Variants in CDH12 observed in about 807,000 individuals in gnomAD.
CDH12 encodes cadherin-12.
In CDH12, 41 loss-of-function variants were observed where a neutral mutation model predicts 74.1. The ratio of observed to expected loss-of-function variants is 0.55; its 90% CI spans 0.43 to 0.72. CDH12 has a LOEUF of 0.72. Among genes scored for constraint, CDH12 ranks in the 30% least tolerant of loss-of-function variants. The pLI is 0.00. For missense variants in CDH12, 945 were observed against 977.2 expected, an observed-to-expected ratio of 0.97 and a Z score of 0.44; for synonymous variants, 399 against 355.0, an observed-to-expected ratio of 1.12 and a Z score of -1.39.
At chr5:21,977,476 G>T (rs1247717249) in intron 5 of CDH12, among the ~76,000 whole-genome samples, 2 of 152,056 alleles carry the variant, frequency 1.3e-5, no homozygotes, top group African/African-American at 4.8e-5. Context: ...TTTATAAAAT[G>T]GATCCATTTT....
chr5:22,645,727 T>C (rs1178928264), intron 1 of CDH12, among the ~76,000 whole-genome samples: 1 of 152,016 alleles, frequency 6.6e-6, no homozygotes, highest in African/African-American at 2.4e-5. Context: ...TGTTTTCTTA[T>C]TTTAACAAAT....
intron 1 of CDH12, among the ~76,000 whole-genome samples, chr5:22,672,964 C>T (rs1055762523): frequency 6.6e-6 from 1 of 152,088 alleles, no homozygotes; most frequent in Non-Finnish European, 1.5e-5. Flanking sequence ...AAACTCCTTA[C>T]CTTTAATTTC....
chr5:22,299,916 T>A (rs1737795800), intron 3 of CDH12, among the ~76,000 whole-genome samples: 1 of 152,148 alleles, frequency 6.6e-6, no homozygotes, highest in Non-Finnish European at 1.5e-5. Context: ...AGTCAAACAC[T>A]TTTACCGAAA....
At chr5:22,213,537 G>GCT (rs1454595390) in intron 3 of CDH12, 1 of 152,114 alleles carries the variant, frequency 6.6e-6, no homozygotes. Flanking sequence ...TTTAAACGTA[G>GCT]CTATGTGCCG....
chr5:22,557,700 A>T (rs1159394713), intron 1 of CDH12, among the ~76,000 whole-genome samples: 1 of 152,100 alleles, frequency 6.6e-6, no homozygotes, highest in Non-Finnish European at 1.5e-5. Context: ...ATTACCTACA[A>T]TGATAAACTT....
rs138229594 is a variant in CDH12 at position 22,140,300 on chromosome 5, G to C, written c.-186-61438C>G. Among the ~76,000 whole-genome samples the C allele has an allele frequency of 3.3e-3, 499 of 151,946 alleles. 2 individuals are homozygous for C. The highest frequency in any genetic ancestry group is 0.012 in the African/African-American group (480 of 41,392). Reference sequence around the variant, plus strand: ...AAGTCAAGTCAGACATACTAGACAAGCTATTGGCTAAATTTGAAATGTATT... The same window carrying C: ...AAGTCAAGTCAGACATACTAGACAACCTATTGGCTAAATTTGAAATGTATT... On this transcript the variant is annotated intron_variant, in intron 4 of 14. Transcript: ENST00000382254.
chr5:22,698,739 T>TATA (rs1561586186), intron 1 of CDH12, among the ~76,000 whole-genome samples: 2 of 27,708 alleles, frequency 7.2e-5, no homozygotes, highest in African/African-American at 1.2e-4. Flanking sequence ...ATATATAGTG[T>TATA]GTGTGTGTGT....
At chr5:22,794,144 A>T (rs576131606) in intron 1 of CDH12, among the ~76,000 whole-genome samples, 25 of 152,276 alleles carry the variant, frequency 1.6e-4, no homozygotes, top group African/African-American at 4.6e-4. Context: ...AAAAGCTCAT[A>T]TGTCCCAGAA....
chr5:21,821,530 C>T (rs1483363085), intron 8 of CDH12, among the ~76,000 whole-genome samples: 2 of 151,332 alleles, frequency 1.3e-5, no homozygotes, highest in Admixed American at 6.6e-5. Flanking sequence ...TCTAAAGTTA[C>T]TTAAAAAAAA....
chr5:21,900,286 A>G (rs1195094164), intron 6 of CDH12, among the ~76,000 whole-genome samples: 2 of 152,196 alleles, frequency 1.3e-5, no homozygotes, highest in African/African-American at 4.8e-5. Flanking sequence ...AAAGGAAGGA[A>G]GAAATGAAGT....
At chr5:22,453,045 C>G (rs1745117518) in intron 2 of CDH12, among the ~76,000 whole-genome samples, 1 of 151,826 alleles carries the variant, frequency 6.6e-6, no homozygotes, top group Non-Finnish European at 1.5e-5. Context: ...TATCACCTCA[C>G]TGCAGTTAAA....
At chr5:22,094,118 A>G (rs1743601100) in intron 4 of CDH12, among the ~76,000 whole-genome samples, 1 of 152,206 alleles carries the variant, frequency 6.6e-6, no homozygotes, top group African/African-American at 2.4e-5. Flanking sequence ...CTGCAGAGGG[A>G]AATCAAGAGG....
At chr5:22,428,221 ACACACACAC>A (rs1346647459) in intron 2 of CDH12, among the ~76,000 whole-genome samples, 1 of 150,716 alleles carries the variant, frequency 6.6e-6, no homozygotes, top group Non-Finnish European at 1.5e-5. Context: ...ACACACACAC[ACACACACAC>A]AATCTATGTG....
intron 1 of CDH12, among the ~76,000 whole-genome samples, chr5:22,571,192 T>A (rs2126765959): frequency 6.6e-6 from 1 of 152,354 alleles, no homozygotes; most frequent in Non-Finnish European, 1.5e-5. Flanking sequence ...GTGTGTTCAC[T>A]GCAGTAGTAC....
chr5:22,300,358 T>C (rs543591158), intron 3 of CDH12, among the ~76,000 whole-genome samples: 2 of 152,294 alleles, frequency 1.3e-5, no homozygotes, highest in Admixed American at 6.5e-5. Context: ...CTTCTTGATA[T>C]ATTTTTAAAA....
chr5:21,862,414 A>G (rs78112199), intron 6 of CDH12, among the ~76,000 whole-genome samples: 1,636 of 152,258 alleles, frequency 0.011, 31 homozygotes, highest in African/African-American at 0.037. Flanking sequence ...AATCATTCTT[A>G]TTGGTACTTA....
At chr5:22,513,065 A>G (rs1736676962) in intron 1 of CDH12, among the ~76,000 whole-genome samples, 1 of 152,186 alleles carries the variant, frequency 6.6e-6, no homozygotes, top group African/African-American at 2.4e-5. Context: ...TAATCCCAAG[A>G]TCCCTGTAAT....
intron 1 of CDH12, among the ~76,000 whole-genome samples, chr5:22,744,811 T>C (rs907103858): frequency 6.6e-6 from 1 of 152,076 alleles, no homozygotes; most frequent in African/African-American, 2.4e-5. Context: ...CTGTTCTCTT[T>C]ATCATGATAG....
Position 21,863,229 on chromosome 5 carries a change from T to C in CDH12, c.527-8439A>G, listed in dbSNP as rs117715087. ...ACTCACACTTATTTACTGTTTATGATGAGGCTCTTTCATGCCTCTGCGGTC... is the reference window on the plus strand; with the variant it reads ...ACTCACACTTATTTACTGTTTATGACGAGGCTCTTTCATGCCTCTGCGGTC... On this transcript the variant is annotated intron_variant, in intron 6 of 14. Transcript: ENST00000382254. Among the ~76,000 whole-genome samples, 251 of 152,216 alleles carry C rather than the reference T, an allele frequency of 1.6e-3. 5 individuals are homozygous for C. In the East Asian group the frequency reaches 0.043, roughly 26 times the overall value.
Sources: allele counts gnomAD v4.1 joint callset (sites outside exome capture counted in the v4.1 genomes callset), GRCh38; gene constraint gnomAD v4.1.1; transcripts MANE v1.5; gene names NCBI Gene and HGNC (gene_info 2026-07-23, HGNC 2026-07-21).